The following GTF2A1 variants were observed in gnomAD, a reference collection of about 807,000 sequenced individuals.
GTF2A1 encodes transcription initiation factor IIA subunit 1.
In GTF2A1, 12 loss-of-function variants were observed where a neutral mutation model predicts 54.1. The ratio of observed to expected loss-of-function variants is 0.22; its 90% CI spans 0.14 to 0.36. The LOEUF (loss-of-function observed/expected upper bound fraction) is 0.36, where lower values mean the gene tolerates loss of function less well. Ranked by LOEUF, GTF2A1 falls within the 10% of genes least tolerant of loss-of-function variation. GTF2A1 has a pLI of 1.00. For synonymous variants in GTF2A1, 145 were observed against 152.0 expected (o/e 0.95, Z 0.34); for missense variants, 335 against 442.2 (o/e 0.76, Z 2.17).
chr14:81,216,272 A>G (rs1893486859), intron 2 of GTF2A1, 141 bp downstream of exon 2: 3 of 576,932 alleles, frequency 5.2e-6, no homozygotes, highest in Admixed American at 6.8e-5. Context: ...GGAAGAATGC[A>G]TGGCAGAGTT....
chr14:81,207,173 ACCTACCTACC>A lies in GTF2A1; in HGVS notation c.133-3079_133-3070del, dbSNP rs1376524240. On this transcript the variant is annotated intron_variant, in intron 2 of 8. Transcript: ENST00000553612. ...TACCTACCTACCTACCTACCTACCT[ACCTACCTACC>A]TACCTACCTGATATGGTTTGGCTGT... 2.7e-4 allele frequency among the ~76,000 whole-genome samples: 40 copies of A among 149,508 alleles called. 1 individual carries two copies. Among genetic ancestry groups the A allele is most frequent in the African/African-American group, 9.6e-4 (38 of 39,716 alleles).
chr14:81,220,773 C>CG lies in GTF2A1; in HGVS notation c.-256dup. 5.4e-6 allele frequency: 2 copies of CG among 368,582 alleles called. No homozygotes were observed. Among genetic ancestry groups the CG allele is most frequent in the East Asian group, 4.0e-5 (1 of 25,256 alleles). The allele number at this position is 368,582 out of a possible 1,614,324, so 22.8% of individuals were successfully genotyped here. On this transcript the variant is annotated 5_prime_UTR_variant, in exon 1 of 9. Transcript: ENST00000553612. ...AAAAAGCCACGACCCTTCAGGGGTC[C>CG]GGGGGGCGTTGCCCGCTCCCCACCC...
chr14:81,192,932 T>C (rs1047869389), intron 6 of GTF2A1, 93 bp from the exon 7 acceptor site: 5 of 754,752 alleles, frequency 6.6e-6, no homozygotes, highest in Non-Finnish European at 1.1e-5. Context: ...TTCACCAGAA[T>C]GGCCATATTT....
intron 5 of GTF2A1, chr14:81,197,106 T>C: frequency 4.9e-6 from 1 of 203,736 alleles, no homozygotes; most frequent in South Asian, 1.5e-4. Flanking sequence ...TAATACTCAC[T>C]TGGCATGTTA....
chr14:81,183,181 C>T lies in GTF2A1; in HGVS notation c.1023+2350G>A, dbSNP rs561472320. 2.5e-3 allele frequency among the ~76,000 whole-genome samples: 384 copies of T among 152,266 alleles called. 1 individual carries two copies. The highest frequency in any genetic ancestry group is 9.3e-3 in the South Asian group (45 of 4,820). ...TTGATCATTAGTGTATCTCAAGCTC[C>T]AAGAATAGTGCCAAGGGACATCATA... On this transcript the variant is annotated intron_variant, in intron 8 of 8. Transcript: ENST00000553612.
intron 6 of GTF2A1, among the ~76,000 whole-genome samples, chr14:81,193,050 A>C (rs1296758585): frequency 6.6e-6 from 1 of 152,224 alleles, no homozygotes; most frequent in Admixed American, 6.5e-5. Flanking sequence ...GATTTTCTAA[A>C]GATAACTGCT....
intron 2 of GTF2A1, among the ~76,000 whole-genome samples, chr14:81,212,434 C>T (rs1486485951): frequency 6.6e-6 from 1 of 152,180 alleles, no homozygotes; most frequent in Non-Finnish European, 1.5e-5. Flanking sequence ...ACAGTTTACA[C>T]ATTAAAGTAG....
intron 7 of GTF2A1, among the ~76,000 whole-genome samples, chr14:81,188,892 G>C (rs1369341787): frequency 6.6e-6 from 1 of 151,914 alleles, no homozygotes; most frequent in African/African-American, 2.4e-5. Flanking sequence ...TTTAATTTTT[G>C]TATGTGGTAT....
At chr14:81,203,875 A>T (rs1159283712) in intron 3 of GTF2A1, 25 bp downstream of exon 3, 1 of 1,572,472 alleles carries the variant, frequency 6.4e-7, no homozygotes, top group Non-Finnish European at 8.8e-7. Flanking sequence ...CCAAGTCATA[A>T]GTAGGAAAAC....
intron 5 of GTF2A1, 83 bp downstream of exon 5, chr14:81,197,326 C>A: frequency 2.8e-6 from 2 of 703,744 alleles, no homozygotes; most frequent in Middle Eastern, 2.5e-4. Context: ...TATTTTCTGT[C>A]TTTCAAAGAA....
chr14:81,180,781 A>C (rs1331449782), intron 8 of GTF2A1, among the ~76,000 whole-genome samples: 2 of 152,196 alleles, frequency 1.3e-5, no homozygotes, highest in African/African-American at 2.4e-5. Flanking sequence ...AAAATGTCTT[A>C]TCTCTCTACC....
intron 8 of GTF2A1, among the ~76,000 whole-genome samples, chr14:81,183,985 CA>C (rs1892689040): frequency 6.6e-6 from 1 of 152,188 alleles, no homozygotes; most frequent in Non-Finnish European, 1.5e-5. Context: ...CTCCAATCTT[CA>C]GAGCAATTCA....
chr14:81,200,885 C>CAAAAAAAAA (rs36025974), intron 4 of GTF2A1, among the ~76,000 whole-genome samples: 1 of 111,100 alleles, frequency 9.0e-6, no homozygotes, highest in African/African-American at 4.1e-5. Flanking sequence ...ATGTTTTATC[C>CAAAAAAAAA]AAAAAAAAAA....
chr14:81,196,371 G>A (rs1566855688), intron 5 of GTF2A1, 130 bp from the exon 6 acceptor site: 4 of 928,916 alleles, frequency 4.3e-6, no homozygotes, highest in Non-Finnish European at 6.6e-6. Flanking sequence ...TTTTATTAAA[G>A]GTTGTCATTC....
chr14:81,210,551 G>GTT (rs781026147), intron 2 of GTF2A1, among the ~76,000 whole-genome samples: 5 of 151,958 alleles, frequency 3.3e-5, no homozygotes, highest in African/African-American at 4.8e-5. Flanking sequence ...ACTAACATAC[G>GTT]TTTTTGTTTT....
intron 2 of GTF2A1, among the ~76,000 whole-genome samples, chr14:81,211,875 T>TTATATATATATATATATATATATATA (rs757044041): frequency 8.5e-4 from 58 of 68,408 alleles, no homozygotes; most frequent in Non-Finnish European, 1.3e-3. Flanking sequence ...ATCAAGTACT[T>TTATATATATATATATATATATATATA]TATATATATA....
At position 81,178,277 on chromosome 14, in the gene GTF2A1, A is replaced by G. The variant is rs949801936; in HGVS notation, c.*1946T>C. 2 of 152,134 alleles carry G rather than the reference A, an allele frequency of 1.3e-5. No individual in the cohort carries two copies. The highest frequency in any genetic ancestry group is 2.9e-5 in the Non-Finnish European group (2 of 68,000). The allele number at this position is 152,134 out of a possible 1,614,324, so 9.4% of individuals were successfully genotyped here. A position where few individuals can be genotyped will look rare whatever the true frequency, so the allele number is the denominator to read the frequency against. On this transcript the variant is annotated 3_prime_UTR_variant, in exon 9 of 9. Transcript: ENST00000553612. ...GGTAGTTCAGGTCACTGACTTCCTT[A>G]CTGAGTAAATACAAACCTACTAGCA...
intron 7 of GTF2A1, 70 bp from the exon 8 acceptor site, chr14:81,185,690 G>A (rs113000290): frequency 1.2e-5 from 9 of 778,914 alleles, no homozygotes; most frequent in African/African-American, 5.3e-5. Flanking sequence ...AAAATATAAT[G>A]ACCTTGATGT....
intron 7 of GTF2A1, among the ~76,000 whole-genome samples, chr14:81,187,381 T>TA (rs1384804418): frequency 6.6e-6 from 1 of 151,070 alleles, no homozygotes; most frequent in Non-Finnish European, 1.5e-5. Context: ...ATCTCTGAGG[T>TA]AAAATTCAAG....
Sources: allele counts gnomAD v4.1 joint callset (sites outside exome capture counted in the v4.1 genomes callset), GRCh38; gene constraint gnomAD v4.1.1; transcripts MANE v1.5; gene names NCBI Gene and HGNC (gene_info 2026-07-23, HGNC 2026-07-21).